Variants in INPP5D observed in about 807,000 individuals in gnomAD.
INPP5D encodes the protein phosphatidylinositol 3,4,5-trisphosphate 5-phosphatase 1.
Under a neutral mutation model 122.9 loss-of-function variants are expected in INPP5D, and 33 were observed. The observed-to-expected ratio is 0.27, with a 90% CI of 0.20 to 0.36. The LOEUF (loss-of-function observed/expected upper bound fraction) is 0.36. Ranked by LOEUF, INPP5D falls within the 10% of genes least tolerant of loss-of-function variation. INPP5D has a pLI of 1.00. For missense variants in INPP5D, 1,053 were observed against 1,412.7 expected, an observed-to-expected ratio of 0.75 and a Z score of 4.08; for synonymous variants, 584 against 576.2, an observed-to-expected ratio of 1.01 and a Z score of -0.19.
chr2:233,069,480 C>T (rs1218684316), intron 1 of INPP5D, among the ~76,000 whole-genome samples: 5 of 152,160 alleles, frequency 3.3e-5, no homozygotes, highest in Admixed American at 2.6e-4. Context: ...CTTCTCTCTA[C>T]CTCCCTGTAT....
intron 18 of INPP5D, among the ~76,000 whole-genome samples, chr2:233,180,117 C>T (rs1694745597): frequency 6.6e-6 from 1 of 152,060 alleles, no homozygotes; most frequent in Non-Finnish European, 1.5e-5. Flanking sequence ...TCGAGTGTCA[C>T]CAGTGGGGAA....
At chr2:233,173,824 T>C (rs1032021402) in intron 17 of INPP5D, among the ~76,000 whole-genome samples, 74 of 152,030 alleles carry the variant, frequency 4.9e-4, no homozygotes, top group Non-Finnish European at 4.4e-4. Flanking sequence ...TCCCAGCTAC[T>C]TGGGAGACTG....
intron 4 of INPP5D, among the ~76,000 whole-genome samples, chr2:233,130,122 T>A (rs569256143): frequency 1.6e-4 from 25 of 152,214 alleles, no homozygotes; most frequent in Non-Finnish European, 3.1e-4. Context: ...CTTGAACTCC[T>A]AACCTCAGGT....
intron 5 of INPP5D, among the ~76,000 whole-genome samples, chr2:233,138,858 G>A (rs924859577): frequency 6.6e-6 from 1 of 151,804 alleles, no homozygotes; most frequent in East Asian, 1.9e-4. Flanking sequence ...CCACTCTCCT[G>A]CCTCAGTCTT....
At chr2:233,101,354 G>C (rs1034874242) in intron 2 of INPP5D, among the ~76,000 whole-genome samples, 12 of 152,040 alleles carry the variant, frequency 7.9e-5, no homozygotes, top group African/African-American at 2.9e-4. Flanking sequence ...TGTGTTATCA[G>C]CTCACATCTG....
intron 2 of INPP5D, among the ~76,000 whole-genome samples, chr2:233,092,261 C>T (rs1336301854): frequency 6.6e-6 from 1 of 152,238 alleles, no homozygotes; most frequent in Non-Finnish European, 1.5e-5. Context: ...GCTCCCAGGG[C>T]TGGGGACTCT....
chr2:233,107,352 CTT>C (rs1249022064), intron 2 of INPP5D, among the ~76,000 whole-genome samples: 1 of 152,186 alleles, frequency 6.6e-6, no homozygotes, highest in Non-Finnish European at 1.5e-5. Flanking sequence ...CATTGGCTAT[CTT>C]GGGTGGGCAC....
In INPP5D at chr2:233,177,866, C is replaced by T. The variant is rs904239086; in HGVS notation, c.2071+520C>T. Among the ~76,000 whole-genome samples, 6 of 152,160 alleles carry T rather than the reference C, an allele frequency of 3.9e-5. No homozygotes were observed. Among genetic ancestry groups the T allele is most frequent in the Admixed American group, 6.5e-5 (1 of 15,280 alleles). On this transcript the variant is annotated intron_variant, in intron 18 of 26. Coordinates refer to ENST00000445964, the MANE Select transcript of INPP5D (RefSeq NM_001017915.3). The surrounding 1 kb of genome is among the most constrained non-coding windows in gnomAD (Gnocchi z 4.2). Reference sequence around the variant, plus strand: ...CTGAGATTACAGGCATGAGCCACCGCGGCCGACCCGGAGCACTTTTTTAAA... The same window carrying T: ...CTGAGATTACAGGCATGAGCCACCGTGGCCGACCCGGAGCACTTTTTTAAA...
rs184759947 is a variant in INPP5D, at chr2:233,124,629, G to A, written c.350-1116G>A. ...TGCACCTGAACAGCTGCCCCCAGGC[G>A]CCCAGGGCCATGCTGAGAAGCTGTT... is the stretch of plus-strand genomic sequence containing the variant. On this transcript the variant is annotated intron_variant, in intron 3 of 26. Coordinates refer to ENST00000445964, the MANE Select transcript of INPP5D (RefSeq NM_001017915.3). 1.8e-4 allele frequency among the ~76,000 whole-genome samples: 28 copies of A among 152,296 alleles called. 1 individual carries two copies. The highest frequency in any genetic ancestry group is 6.8e-3 in the Middle Eastern group (2 of 294).
chr2:233,196,207 A>G (rs1174333646), intron 24 of INPP5D, among the ~76,000 whole-genome samples: 1 of 152,172 alleles, frequency 6.6e-6, no homozygotes, highest in Admixed American at 6.5e-5. Context: ...GAAACCCAGG[A>G]CACAGGAGAA....
intron 3 of INPP5D, among the ~76,000 whole-genome samples, chr2:233,124,877 T>C (rs1258528166): frequency 2.0e-5 from 3 of 152,328 alleles, no homozygotes; most frequent in African/African-American, 7.2e-5. Context: ...GCCCGCGCAG[T>C]CCAAGAGGTC....
chr2:233,126,414 G>A lies in INPP5D; in HGVS notation c.524+495G>A, dbSNP rs372954229. On this transcript the variant is annotated intron_variant, in intron 4 of 26. Coordinates refer to ENST00000445964, the MANE Select transcript of INPP5D (RefSeq NM_001017915.3). ...CTTGGCAAAATATGAAGTAGATGCC[G>A]ATGGGACACATACGCCACCGGGTTG... Among the ~76,000 whole-genome samples the A allele has an allele frequency of 4.9e-4, 75 of 152,232 alleles. 1 individual carries two copies. In the South Asian group the frequency reaches 0.015, roughly 30 times the overall value.
intron 5 of INPP5D, among the ~76,000 whole-genome samples, chr2:233,132,499 C>T (rs1395597548): frequency 6.6e-6 from 1 of 152,172 alleles, no homozygotes; most frequent in South Asian, 2.1e-4. Context: ...TTAAAGACAC[C>T]GTCATGCTCT....
Position 233,128,131 on chromosome 2 carries a change from C to CAT in INPP5D, c.524+2213_524+2214dup, listed in dbSNP as rs376232509. On this transcript the variant is annotated intron_variant, in intron 4 of 26. Transcript: ENST00000445964. This position sits in a 1 kb window ranked among gnomAD's most constrained non-coding sequence, Gnocchi z 4.5. ...CAGATCAGCGGTGGCATTAGATTCT[C>CAT]ATGAGTGTGAACCCGGTTGTGAACT... is the stretch of plus-strand genomic sequence containing the variant. Among the ~76,000 whole-genome samples the CAT allele has an allele frequency of 9.4e-3, 1,424 of 152,282 alleles. 8 individuals are homozygous for CAT. The highest frequency in any genetic ancestry group is 0.013 in the African/African-American group (545 of 41,542).
intron 9 of INPP5D, among the ~76,000 whole-genome samples, chr2:233,154,683 A>G (rs974180723): frequency 2.0e-5 from 3 of 152,192 alleles, no homozygotes; most frequent in African/African-American, 7.2e-5. Flanking sequence ...AGTCCTGAAG[A>G]CCTTCCTTTG....
intron 2 of INPP5D, among the ~76,000 whole-genome samples, chr2:233,089,288 C>T (rs1346093318): frequency 3.3e-5 from 5 of 152,232 alleles, no homozygotes; most frequent in Non-Finnish European, 7.3e-5. Flanking sequence ...CTAGGCACTT[C>T]ATCCGTGTTC....
intron 2 of INPP5D, among the ~76,000 whole-genome samples, chr2:233,117,074 G>A (rs1360715341): frequency 6.6e-6 from 1 of 152,220 alleles, no homozygotes; most frequent in African/African-American, 2.4e-5. Flanking sequence ...CATCACTTGG[G>A]GGCCGCCGGT....
rs1425982528 is a variant in INPP5D, at chr2:233,183,942, CAAATGAGCT to C, written c.2162-465_2162-457del. On this transcript the variant is annotated intron_variant, in intron 19 of 26. Coordinates refer to ENST00000445964, the MANE Select transcript of INPP5D (RefSeq NM_001017915.3). This position sits in a 1 kb window ranked among gnomAD's most constrained non-coding sequence, Gnocchi z 4.6. ...CAGTTGCAGGCAAGTTAACTCTGTACAAATGAGCTTATGGAGTCCAGAGGAAGGAGTGGG... is the reference window on the plus strand; with the variant it reads ...CAGTTGCAGGCAAGTTAACTCTGTACTATGGAGTCCAGAGGAAGGAGTGGG... 1.3e-5 allele frequency among the ~76,000 whole-genome samples: 2 copies of C among 152,192 alleles called. No individual in the cohort carries two copies. Among genetic ancestry groups the C allele is most frequent in the African/African-American group, 4.8e-5 (2 of 41,450 alleles).
At chr2:233,119,130 C>A (rs560483240) in intron 2 of INPP5D, among the ~76,000 whole-genome samples, 6 of 152,220 alleles carry the variant, frequency 3.9e-5, no homozygotes, top group Non-Finnish European at 8.8e-5. Context: ...CATAAAATAA[C>A]GTGTCTTACT....
Sources: gnomAD v4.1 joint callset for allele counts (sites outside exome capture counted in the v4.1 genomes callset) on GRCh38, gnomAD v4.1.1 for gene constraint, Gnocchi (gnomAD v3.1) non-coding constraint, MANE v1.5 for transcripts, NCBI Gene and HGNC (gene_info 2026-07-23, HGNC 2026-07-21) for gene names.